TSPAN9: variants seen among roughly 807,000 people sequenced by gnomAD.
TSPAN9 encodes tetraspanin-9.
In TSPAN9, 16 loss-of-function variants were observed where a neutral mutation model predicts 31.0. That is an observed-to-expected ratio of 0.52 (90% CI 0.35 to 0.78). The LOEUF (loss-of-function observed/expected upper bound fraction) is 0.78. Ranked by LOEUF, TSPAN9 falls within the 30% of genes least tolerant of loss-of-function variation. The pLI is 0.01. For missense variants in TSPAN9, 272 were observed against 312.5 expected, an observed-to-expected ratio of 0.87 and a Z score of 0.98; for synonymous variants, 145 against 121.6, an observed-to-expected ratio of 1.19 and a Z score of -1.27.
intron 3 of TSPAN9, among the ~76,000 whole-genome samples, chr12:3,277,480 G>C (rs1339654786): frequency 2.6e-5 from 4 of 152,210 alleles, no homozygotes; most frequent in Admixed American, 2.6e-4. Context: ...TGGAAAACAG[G>C]TCTTTAAAGT....
chr12:3,230,353 G>A (rs1206646146), intron 3 of TSPAN9, among the ~76,000 whole-genome samples: 1 of 152,056 alleles, frequency 6.6e-6, no homozygotes, highest in Non-Finnish European at 1.5e-5. Flanking sequence ...TCTTCCTGAG[G>A]CATAGTCTCA....
chr12:3,121,075 G>A (rs2098324853), intron 2 of TSPAN9, among the ~76,000 whole-genome samples: 1 of 152,230 alleles, frequency 6.6e-6, no homozygotes, highest in South Asian at 2.1e-4. Context: ...GAGAAGGTTG[G>A]GGTGGGTCTT....
rs1459776724 is a variant in TSPAN9, at chr12:3,149,972, A to C, written c.-17-51205A>C. The C allele has an allele frequency of 2.0e-4, 31 of 152,296 alleles. 1 individual carries two copies. Among genetic ancestry groups the C allele is most frequent in the Admixed American group, 2.0e-3 (31 of 15,286 alleles). The allele number at this position is 152,296 out of a possible 1,614,324, so 9.4% of individuals were successfully genotyped here. A position where few individuals can be genotyped will look rare whatever the true frequency, so the allele number is the denominator to read the frequency against. ...GGAGCATTTGTTAATTGATGTATTC[A>C]TCCAGCCAGCAGACATGTAGTGAAC... On this transcript the variant is annotated intron_variant, in intron 2 of 8. Coordinates refer to ENST00000011898, the MANE Select transcript of TSPAN9 (RefSeq NM_006675.5).
rs1862828007 is a variant in TSPAN9 at position 3,278,287 on chromosome 12, G to A, written c.64-134G>A. 7 of 1,284,202 alleles carry A rather than the reference G, an allele frequency of 5.5e-6. No homozygotes were observed. The South Asian group carries it at 8.6e-5, about 16-fold the overall frequency. The allele number at this position is 1,284,202 out of a possible 1,614,324, so 79.6% of individuals were successfully genotyped here. A position where few individuals can be genotyped will look rare whatever the true frequency, so the allele number is the denominator to read the frequency against. Reference sequence around the variant, plus strand: ...CATGCTTCGGGTCTGCAGCCCAACGGTAGTCCCGTTCTCACCTTGTCGGTT... The same window carrying A: ...CATGCTTCGGGTCTGCAGCCCAACGATAGTCCCGTTCTCACCTTGTCGGTT... On this transcript the variant is annotated intron_variant, in intron 3 of 8. Transcript: ENST00000011898.
chr12:3,205,909 C>T (rs1353510867), intron 3 of TSPAN9, among the ~76,000 whole-genome samples: 2 of 152,008 alleles, frequency 1.3e-5, no homozygotes, highest in Non-Finnish European at 2.9e-5. Flanking sequence ...TTCACTTCCT[C>T]TCCACAGCAT....
chr12:3,216,609 G>A (rs1458030818), intron 3 of TSPAN9, among the ~76,000 whole-genome samples: 1 of 152,256 alleles, frequency 6.6e-6, no homozygotes, highest in Non-Finnish European at 1.5e-5. Flanking sequence ...TGGGCACAGG[G>A]CCTGCAGGGC....
At chr12:3,188,784 G>A (rs754895658) in intron 2 of TSPAN9, among the ~76,000 whole-genome samples, 81 of 152,262 alleles carry the variant, frequency 5.3e-4, no homozygotes, top group Non-Finnish European at 5.9e-4. Flanking sequence ...TCCAGAGAGG[G>A]CCTCCAGAGA....
In TSPAN9 at chr12:3,077,431, G is replaced by T; in HGVS notation, c.-107G>T. The T allele has an allele frequency of 6.6e-6, 1 of 151,830 alleles. No individual in the cohort carries two copies. The highest frequency in any genetic ancestry group is 1.8e-4 in the South Asian group (1 of 5,596). The allele number at this position is 151,830 out of a possible 1,614,324, so 9.4% of individuals were successfully genotyped here. On this transcript the variant is annotated 5_prime_UTR_variant, in exon 1 of 9. Transcript: ENST00000011898. ...GGTGCCGGAGCGCGAGCAGAGCGGA[G>T]ACCCCCAGGTCCTGCGGGCGCGGTG...
At chr12:3,109,798 C>CAA (rs147799673) in intron 2 of TSPAN9, among the ~76,000 whole-genome samples, 20,405 of 91,502 alleles carry the variant, frequency 0.22, 2,332 homozygotes, top group African/African-American at 0.36. Context: ...AACTCTGTCT[C>CAA]AAAAAAAAAA....
intron 3 of TSPAN9, among the ~76,000 whole-genome samples, chr12:3,250,569 CCCACAGCT>C (rs1291388209): frequency 6.6e-6 from 1 of 152,184 alleles, no homozygotes; most frequent in Admixed American, 6.5e-5. Context: ...TCTAGACCTG[CCCACAGCT>C]CCACACACAG....
At chr12:3,275,970 A>G (rs1488570550) in intron 3 of TSPAN9, among the ~76,000 whole-genome samples, 2 of 152,196 alleles carry the variant, frequency 1.3e-5, no homozygotes, top group Admixed American at 1.3e-4. Flanking sequence ...AGGCCTGTCA[A>G]TGCCACCTTC....
At chr12:3,124,051 G>T (rs897702409) in intron 2 of TSPAN9, among the ~76,000 whole-genome samples, 2 of 152,166 alleles carry the variant, frequency 1.3e-5, no homozygotes, top group Non-Finnish European at 2.9e-5. Flanking sequence ...CAGTGGAGCT[G>T]CCAGGGTAGT....
At chr12:3,095,400 G>A (rs1307297519) in intron 2 of TSPAN9, among the ~76,000 whole-genome samples, 1 of 150,408 alleles carries the variant, frequency 6.6e-6, no homozygotes, top group Admixed American at 6.6e-5. Flanking sequence ...CCTCCCAGAC[G>A]GGGTGGTGGC....
intron 2 of TSPAN9, among the ~76,000 whole-genome samples, chr12:3,133,635 G>T (rs2098330801): frequency 6.6e-6 from 1 of 152,150 alleles, no homozygotes; most frequent in Admixed American, 6.5e-5. Flanking sequence ...CAAGGTCAGT[G>T]CCCTAAAATG....
chr12:3,128,401 G>A (rs1296539740), intron 2 of TSPAN9, among the ~76,000 whole-genome samples: 2 of 152,162 alleles, frequency 1.3e-5, no homozygotes, highest in African/African-American at 2.4e-5. Flanking sequence ...CACAGAAGGC[G>A]TGATTTCAGA....
chr12:3,279,040 A>C lies in TSPAN9; in HGVS notation c.304A>C (p.Ile102Leu), dbSNP rs771718006. 8 of 1,614,018 alleles carry C rather than the reference A, an allele frequency of 5.0e-6. No homozygotes were observed. The highest frequency in any genetic ancestry group is 5.9e-6 in the Non-Finnish European group (7 of 1,179,978). ...VILLAELILLILFFVYMDKVN... is the reference protein window; with the variant it reads ...VILLAELILLLLFFVYMDKVN... ...CCTCCTAGCAGAGCTGATCTTACTC[A>C]TCCTCTTCTTTGTCTACATGGACAA... Residue 102 changes from isoleucine (I) to leucine (L), a missense_variant, in exon 5 of 9, where the codon ATC becomes CTC. By Grantham distance (5) the Ile-to-Leu change is conservative. Transcript: ENST00000011898.
chr12:3,209,804 A>T (rs1427830250), intron 3 of TSPAN9, among the ~76,000 whole-genome samples: 1 of 151,222 alleles, frequency 6.6e-6, no homozygotes, highest in African/African-American at 2.4e-5. Flanking sequence ...CTAAAAATAC[A>T]AAAAATTAGC....
rs2098335802 is a variant in TSPAN9 at position 3,143,449 on chromosome 12, G to T, written c.-17-57728G>T. 2.0e-5 allele frequency among the ~76,000 whole-genome samples: 3 copies of T among 151,710 alleles called. No individual in the cohort carries two copies. In the South Asian group the frequency reaches 6.2e-4, roughly 32 times the overall value. On this transcript the variant is annotated intron_variant, in intron 2 of 8. Coordinates refer to ENST00000011898, the MANE Select transcript of TSPAN9 (RefSeq NM_006675.5). The surrounding 1 kb of genome is among the most constrained non-coding windows in gnomAD (Gnocchi z 4.2). ...GGTGTTTGCCTAATGGTAATTTTCT[G>T]TTTCCCTCATTTCTTCTGCATTTAT...
intron 3 of TSPAN9, among the ~76,000 whole-genome samples, chr12:3,206,119 T>A (rs1311773600): frequency 1.3e-5 from 2 of 152,156 alleles, no homozygotes; most frequent in Non-Finnish European, 2.9e-5. Context: ...GAAAACACCC[T>A]CCGGCCTGCT....
Sources: allele counts gnomAD v4.1 joint callset (sites outside exome capture counted in the v4.1 genomes callset), GRCh38; gene constraint gnomAD v4.1.1; non-coding constraint Gnocchi (gnomAD v3.1); transcripts MANE v1.5; gene names NCBI Gene and HGNC (gene_info 2026-07-23, HGNC 2026-07-21).